The following COL27A1 variants were observed in gnomAD, a reference collection of about 807,000 sequenced individuals.
COL27A1 encodes collagen alpha-1(XXVII) chain.
In COL27A1, 106 loss-of-function variants were observed where a neutral mutation model predicts 251.3. That is an observed-to-expected ratio of 0.42 (90% CI 0.36 to 0.50). The LOEUF is 0.50. Ranked by LOEUF, COL27A1 falls within the 20% of genes least tolerant of loss-of-function variation. The pLI, the probability that COL27A1 is intolerant of heterozygous loss-of-function variation, is 0.00. For missense variants in COL27A1, 2,325 were observed against 2,522.8 expected, an observed-to-expected ratio of 0.92 and a Z score of 1.68; for synonymous variants, 1,000 against 986.3, an observed-to-expected ratio of 1.01 and a Z score of -0.26.
At chr9:114,214,279 C>T (rs1830567243) in intron 12 of COL27A1, among the ~76,000 whole-genome samples, 1 of 152,190 alleles carries the variant, frequency 6.6e-6, no homozygotes, top group Non-Finnish European at 1.5e-5. Flanking sequence ...TTAGGCCAGA[C>T]AGTTTCTAGG....
chr9:114,233,929 G>A (rs917288859), intron 16 of COL27A1, among the ~76,000 whole-genome samples: 4 of 152,104 alleles, frequency 2.6e-5, no homozygotes, highest in Non-Finnish European at 5.9e-5. Context: ...GCACACATCC[G>A]TGTCCCCTGG....
At chr9:114,243,230 T>C (rs1047811116) in intron 22 of COL27A1, among the ~76,000 whole-genome samples, 7 of 152,180 alleles carry the variant, frequency 4.6e-5, no homozygotes, top group Non-Finnish European at 7.3e-5. Context: ...TTCCTTCCTT[T>C]CCCTCACTCC....
Position 114,309,313 on chromosome 9 carries a change from C to T in COL27A1, c.5271C>T (p.Ser1757=), listed in dbSNP as rs369369527. The part of the protein sequence containing the change: ...VQMNFLHLLS[S]EVTQHITIHC... ...TGAATTTCCTGCACCTGCTAAGCTC[C>T]GAGGTGACCCAGCACATCACCATCC... is the stretch of plus-strand genomic sequence containing the variant. Residue 1757 remains serine, a synonymous_variant, in exon 60 of 61, where the codon TCC becomes TCT. Transcript: ENST00000356083. 49 of 1,614,012 alleles carry T rather than the reference C, an allele frequency of 3.0e-5. No individual in the cohort carries two copies. The highest frequency in any genetic ancestry group is 3.7e-5 in the Non-Finnish European group (44 of 1,180,034).
chr9:114,289,124 C>T, intron 44 of COL27A1, 118 bp from the exon 45 acceptor site: 1 of 1,374,550 alleles, frequency 7.3e-7, no homozygotes, highest in Non-Finnish European at 1.0e-6. Context: ...CCTGGGGATG[C>T]CCCCAGAACC....
At chr9:114,254,046 A>G (rs1419263071) in intron 27 of COL27A1, among the ~76,000 whole-genome samples, 14 of 152,150 alleles carry the variant, frequency 9.2e-5, no homozygotes, top group Admixed American at 3.9e-4. Flanking sequence ...GGGTTTTGGC[A>G]GTTCCAGGAG....
In COL27A1 at chr9:114,155,975, GC is replaced by G; in HGVS notation, c.28del (p.Arg10GlufsTer20). The G allele has an allele frequency of 7.7e-7, 1 of 1,291,734 alleles. No individual in the cohort carries two copies. 80.0% of individuals were successfully genotyped at this position (1,291,734 alleles called of 1,614,324 possible). A position where few individuals can be genotyped will look rare whatever the true frequency, so the allele number is the denominator to read the frequency against. MGAGSARG[A>X]RGTAAAAAAR... is the part of the protein sequence containing the mutation. ...CATGGGAGCGGGATCGGCGCGGGGGGCCCGAGGCACAGCGGCGGCGGCGGCG... is the reference window on the plus strand; with the variant it reads ...CATGGGAGCGGGATCGGCGCGGGGGGCCGAGGCACAGCGGCGGCGGCGGCG... On this transcript the variant is annotated frameshift_variant, in exon 1 of 61. Coordinates refer to ENST00000356083, the MANE Select transcript of COL27A1 (RefSeq NM_032888.4). LOFTEE classifies it high-confidence loss of function. This position sits in a 1 kb window ranked among gnomAD's most constrained non-coding sequence, Gnocchi z 5.5.
Position 114,228,510 on chromosome 9 carries a change from C to G in COL27A1, c.2467-2569C>G, listed in dbSNP as rs574573969. ...CCTTCCAATCCGGCTTCTCTCCCTC[C>G]TCTCCAGAGACCACCTCAGAATGGC... On this transcript the variant is annotated intron_variant, in intron 14 of 60. Coordinates refer to ENST00000356083, the MANE Select transcript of COL27A1 (RefSeq NM_032888.4). Among the ~76,000 whole-genome samples the G allele has an allele frequency of 4.1e-4, 63 of 152,366 alleles. No homozygotes were observed. In the South Asian group the frequency reaches 0.013, roughly 31 times the overall value.
chr9:114,307,476 T>C, intron 58 of COL27A1, 193 bp from the exon 59 acceptor site: 1 of 580,696 alleles, frequency 1.7e-6, no homozygotes, highest in Non-Finnish European at 3.1e-6. Context: ...CTCTGGGGGC[T>C]CTGCCAGTTG....
chr9:114,161,366 C>T (rs971541275), intron 1 of COL27A1, among the ~76,000 whole-genome samples: 3 of 152,120 alleles, frequency 2.0e-5, no homozygotes, highest in African/African-American at 7.2e-5. Flanking sequence ...TTCTCGGGAT[C>T]AACTTAGATT....
Position 114,220,214 on chromosome 9 carries a change from C to T in COL27A1, c.2421+370C>T, listed in dbSNP as rs73562573. Reference sequence around the variant, plus strand: ...GCCGGCAGAGGCATGGGGAAGCAAACGGTCTGCAGGCCGTGTTTGGAGAAA... The same window carrying T: ...GCCGGCAGAGGCATGGGGAAGCAAATGGTCTGCAGGCCGTGTTTGGAGAAA... On this transcript the variant is annotated intron_variant, in intron 13 of 60. Transcript: ENST00000356083. Among the ~76,000 whole-genome samples, 352 of 152,318 alleles carry T rather than the reference C, an allele frequency of 2.3e-3. 1 individual carries two copies. The highest frequency in any genetic ancestry group is 8.2e-3 in the African/African-American group (340 of 41,570).
At position 114,237,710 on chromosome 9, in the gene COL27A1, C is replaced by G; in HGVS notation, c.2722C>G (p.Pro908Ala). ...GSIGFPGPPG[P>A]EGFPGDIGPP... is the part of the protein sequence containing the mutation. ...CATTGGGTTTCCCGGGCCCCCTGGA[C>G]CCGAGGTATGTGATGCCCCATTTCT... Residue 908 changes from proline to alanine, a missense_variant, in exon 19 of 61, where the codon CCC becomes GCC. Physicochemically the swap from Pro to Ala is conservative, Grantham distance 27 (BLOSUM62 -1). Coordinates refer to ENST00000356083, the MANE Select transcript of COL27A1 (RefSeq NM_032888.4). 1 of 1,613,834 alleles carries G rather than the reference C, an allele frequency of 6.2e-7. No individual in the cohort carries two copies. Among genetic ancestry groups the G allele is most frequent in the South Asian group, 1.1e-5 (1 of 91,072 alleles).
At chr9:114,247,135 T>C (rs1833195708) in intron 24 of COL27A1, among the ~76,000 whole-genome samples, 2 of 152,216 alleles carry the variant, frequency 1.3e-5, no homozygotes, top group Admixed American at 1.3e-4. Flanking sequence ...AATGCAATTA[T>C]GAAAATATGT....
intron 1 of COL27A1, 29 bp from the exon 2 acceptor site, chr9:114,162,686 C>G (rs773851554): frequency 6.4e-7 from 1 of 1,558,884 alleles, no homozygotes; most frequent in Non-Finnish European, 8.8e-7. Context: ...AAGCTGATGC[C>G]GCCTCTGCTT....
intron 4 of COL27A1, among the ~76,000 whole-genome samples, chr9:114,182,200 A>T (rs55681574): frequency 0.57 from 77,696 of 135,352 alleles, 22,300 homozygotes; most frequent in East Asian, 0.74. Flanking sequence ...AAAATAATAA[A>T]AATAATAAAA....
chr9:114,233,004 G>A (rs1487133097), intron 16 of COL27A1, among the ~76,000 whole-genome samples: 1 of 152,222 alleles, frequency 6.6e-6, no homozygotes, highest in Non-Finnish European at 1.5e-5. Context: ...CTGGGAGGCA[G>A]AAGTTGCAGT....
chr9:114,167,470 A>T (rs538670754), intron 2 of COL27A1, among the ~76,000 whole-genome samples: 3 of 152,318 alleles, frequency 2.0e-5, no homozygotes, highest in African/African-American at 7.2e-5. Flanking sequence ...AACATGCAAG[A>T]TTATGCAGCC....
chr9:114,269,229 G>T lies in COL27A1; in HGVS notation c.3502-12G>T, dbSNP rs748096073. Reference sequence around the variant, plus strand: ...TACCCACCCGCAAGGACTTTTGTTCGGCTTCTCCTAGGGTGACCTTGGACC... The same window carrying T: ...TACCCACCCGCAAGGACTTTTGTTCTGCTTCTCCTAGGGTGACCTTGGACC... On this transcript the variant is annotated splice_polypyrimidine_tract_variant and intron_variant, in intron 34 of 60. Coordinates refer to ENST00000356083, the MANE Select transcript of COL27A1 (RefSeq NM_032888.4). 1.9e-6 allele frequency: 3 copies of T among 1,576,742 alleles called. No homozygotes were observed. The highest frequency in any genetic ancestry group is 1.7e-6 in the Non-Finnish European group (2 of 1,158,360).
intron 57 of COL27A1, among the ~76,000 whole-genome samples, chr9:114,305,131 C>T (rs1303674871): frequency 1.3e-5 from 2 of 152,198 alleles, no homozygotes; most frequent in Non-Finnish European, 2.9e-5. Context: ...AGTCCCATGT[C>T]CTCTAGTCCA....
chr9:114,169,486 T>G, intron 3 of COL27A1, 23 bp downstream of exon 3: 1 of 1,497,026 alleles, frequency 6.7e-7, no homozygotes, highest in Non-Finnish European at 8.9e-7. Context: ...GGGGTCTGCA[T>G]GCTGCTTGGA....
Sources: gnomAD v4.1 joint callset for allele counts (sites outside exome capture counted in the v4.1 genomes callset) on GRCh38, gnomAD v4.1.1 for gene constraint, Gnocchi (gnomAD v3.1) non-coding constraint, MANE v1.5 for transcripts, NCBI Gene and HGNC (gene_info 2026-07-23, HGNC 2026-07-21) for gene names.